The following CCDC150 variants were observed in gnomAD, a reference collection of about 807,000 sequenced individuals.
CCDC150 encodes coiled-coil domain-containing protein 150.
Under a neutral mutation model 156.5 loss-of-function variants are expected in CCDC150, and 151 were observed. The ratio of observed to expected loss-of-function variants is 0.97; its 90% CI spans 0.85 to 1.10. The LOEUF (loss-of-function observed/expected upper bound fraction) is 1.10, where lower values mean the gene tolerates loss of function less well. Ranked by LOEUF, CCDC150 falls within the 50% of genes least tolerant of loss-of-function variation. The probability of loss-of-function intolerance (pLI) is 0.00; values close to 1 mark genes in which losing one functional copy is unlikely to be tolerated. For missense variants in CCDC150, 1,312 were observed against 1,268.1 expected, an observed-to-expected ratio of 1.03 and a Z score of -0.53; for synonymous variants, 452 against 429.4, an observed-to-expected ratio of 1.05 and a Z score of -0.65.
At chr2:196,725,517 G>T (rs1698161647) in intron 21 of CCDC150, among the ~76,000 whole-genome samples, 1 of 152,154 alleles carries the variant, frequency 6.6e-6, no homozygotes, top group East Asian at 1.9e-4. Flanking sequence ...ATTATTACAA[G>T]TTAAAACTTA....
chr2:196,669,940 C>T, intron 8 of CCDC150, 64 bp downstream of exon 8: 1 of 1,230,920 alleles, frequency 8.1e-7, no homozygotes, highest in Non-Finnish European at 1.2e-6. Flanking sequence ...CCTATTTCCT[C>T]TTCCATGTTG....
Position 196,639,771 on chromosome 2 carries a change from A to T in CCDC150, c.5A>T (p.Asp2Val), listed in dbSNP as rs1692093522. The T allele has an allele frequency of 1.3e-6, 2 of 1,579,348 alleles. No individual in the cohort carries two copies. The highest frequency in any genetic ancestry group is 2.3e-5 in the East Asian group (1 of 43,214). M[D>V]CKVHMETTVS... ...TACGGAGCCTCAGGCGGACAGATGGACTGTAAGGTGAGGCTGCCGGGCCCC... is the reference window on the plus strand; with the variant it reads ...TACGGAGCCTCAGGCGGACAGATGGTCTGTAAGGTGAGGCTGCCGGGCCCC... Residue 2 changes from aspartate to valine, a missense_variant, in exon 1 of 28, where the codon GAC becomes GTC. Asp to Val is a radical substitution (Grantham distance 152). Transcript: ENST00000389175.
chr2:196,692,990 G>A (rs1695588160), intron 13 of CCDC150, among the ~76,000 whole-genome samples: 1 of 152,128 alleles, frequency 6.6e-6, no homozygotes, highest in Admixed American at 6.5e-5. Context: ...TTGTGAATCT[G>A]GGTGCTCCTG....
chr2:196,730,763 T>C, intron 25 of CCDC150, 96 bp from the exon 26 acceptor site: 1 of 889,620 alleles, frequency 1.1e-6, no homozygotes, highest in Non-Finnish European at 1.7e-6. Context: ...CTCCATCCTA[T>C]TTTCATATTT....
intron 11 of CCDC150, 113 bp downstream of exon 11, chr2:196,676,380 T>C (rs1559234273): frequency 2.1e-5 from 30 of 1,429,726 alleles, no homozygotes; most frequent in Non-Finnish European, 2.9e-5. Context: ...CTGCATTTTT[T>C]GGGCCAGCCA....
At chr2:196,667,699 G>A (rs1693929851) in intron 7 of CCDC150, 1 of 152,168 alleles carries the variant, frequency 6.6e-6, no homozygotes, top group African/African-American at 2.4e-5. Flanking sequence ...TTCACCTTCT[G>A]TGCTCTATGG....
At chr2:196,646,264 C>A in intron 1 of CCDC150, 77 bp from the exon 2 acceptor site, 3 of 1,369,404 alleles carry the variant, frequency 2.2e-6, no homozygotes, top group South Asian at 1.2e-5. Flanking sequence ...GATGCCTAAT[C>A]CTGGCACAGG....
intron 8 of CCDC150, among the ~76,000 whole-genome samples, chr2:196,671,427 C>CTTTTTTTTTTT (rs397987214): frequency 9.2e-6 from 1 of 108,612 alleles, no homozygotes; most frequent in Non-Finnish European, 1.8e-5. Context: ...TTTTCTCTCT[C>CTTTTTTTTTTT]TTTTTTTTTT....
intron 2 of CCDC150, among the ~76,000 whole-genome samples, chr2:196,655,733 T>G (rs1213425431): frequency 1.3e-5 from 2 of 152,078 alleles, no homozygotes; most frequent in Non-Finnish European, 2.9e-5. Flanking sequence ...ATGAGACTCT[T>G]GTATTCCTAA....
At chr2:196,708,054 AT>A in intron 15 of CCDC150, among the ~76,000 whole-genome samples, 1 of 152,082 alleles carries the variant, frequency 6.6e-6, no homozygotes. Flanking sequence ...CAAGTCCTGG[AT>A]ATCCTTGTTA....
intron 13 of CCDC150, among the ~76,000 whole-genome samples, chr2:196,683,877 A>G (rs1452649707): frequency 6.6e-6 from 1 of 151,858 alleles, no homozygotes; most frequent in Admixed American, 6.6e-5. Flanking sequence ...TAATTTTAAT[A>G]ATTTGTGTCT....
intron 1 of CCDC150, among the ~76,000 whole-genome samples, chr2:196,641,048 C>T (rs1692192783): frequency 6.6e-6 from 1 of 152,178 alleles, no homozygotes; most frequent in Admixed American, 6.5e-5. Flanking sequence ...CTGCAAGCTC[C>T]GCCTCCTGGG....
rs151013106 is a variant in CCDC150, at chr2:196,703,441, C to T, written c.1695+2261C>T. On this transcript the variant is annotated intron_variant, in intron 15 of 27. Transcript: ENST00000389175. Reference sequence around the variant, plus strand: ...TAAATATTATCTACATTTATGTGACCGTGGAAAGATCTTAATTTTCTTGAG... The same window carrying T: ...TAAATATTATCTACATTTATGTGACTGTGGAAAGATCTTAATTTTCTTGAG... Among the ~76,000 whole-genome samples the T allele has an allele frequency of 2.2e-3, 331 of 152,042 alleles. 3 individuals carry two copies. Among genetic ancestry groups the T allele is most frequent in the African/African-American group, 7.3e-3 (303 of 41,460 alleles).
chr2:196,693,339 G>C (rs1165339218), intron 13 of CCDC150, among the ~76,000 whole-genome samples: 1 of 152,098 alleles, frequency 6.6e-6, no homozygotes, highest in African/African-American at 2.4e-5. Context: ...ATTTCACTCA[G>C]TATTTCATAA....
At position 196,664,277 on chromosome 2, in the gene CCDC150, C is replaced by A. The variant is rs558216260; in HGVS notation, c.646-1290C>A. ...GACTCAGTCTCACAAGATTGCCCCC[C>A]ACTTTAGATGCCAATTGCAAGCCCC... is the stretch of plus-strand genomic sequence containing the variant. On this transcript the variant is annotated intron_variant, in intron 5 of 27. Coordinates refer to ENST00000389175, the MANE Select transcript of CCDC150 (RefSeq NM_001080539.2). 3.9e-5 allele frequency among the ~76,000 whole-genome samples: 6 copies of A among 152,300 alleles called. No homozygotes were observed. The South Asian group carries it at 6.2e-4, about 16-fold the overall frequency.
chr2:196,704,476 G>T (rs1463923281), intron 15 of CCDC150, among the ~76,000 whole-genome samples: 1 of 152,120 alleles, frequency 6.6e-6, no homozygotes, highest in Non-Finnish European at 1.5e-5. Context: ...TGGGTTTTAG[G>T]ATGTGCATAT....
chr2:196,639,749 G>T lies in CCDC150; in HGVS notation c.-18G>T. 1 of 1,566,546 alleles carries T rather than the reference G, an allele frequency of 6.4e-7. No individual in the cohort carries two copies. The highest frequency in any genetic ancestry group is 1.2e-5 in the South Asian group (1 of 84,272). Reference sequence around the variant, plus strand: ...GAAACCCGCTCGCCTGCTGCAGTACGGAGCCTCAGGCGGACAGATGGACTG... The same window carrying T: ...GAAACCCGCTCGCCTGCTGCAGTACTGAGCCTCAGGCGGACAGATGGACTG... On this transcript the variant is annotated 5_prime_UTR_variant, in exon 1 of 28. Coordinates refer to ENST00000389175, the MANE Select transcript of CCDC150 (RefSeq NM_001080539.2).
At chr2:196,730,807 G>T (rs1399118181) in intron 25 of CCDC150, 52 bp from the exon 26 acceptor site, 1 of 1,377,596 alleles carries the variant, frequency 7.3e-7, no homozygotes, top group African/African-American at 1.4e-5. Context: ...GAAGCATTTG[G>T]TTTCTTATGG....
rs1338884848 is a variant in CCDC150, at chr2:196,691,801, C to T, written c.1510-3245C>T. 2.8e-4 allele frequency among the ~76,000 whole-genome samples: 42 copies of T among 152,076 alleles called. 1 individual carries two copies. Among genetic ancestry groups the T allele is most frequent in the African/African-American group, 2.4e-5 (1 of 41,516 alleles). On this transcript the variant is annotated intron_variant, in intron 13 of 27. Transcript: ENST00000389175. ...ACTAAAAATACAAAAATTAGCCAGG[C>T]GTGGTGGCATGGGCCTGTAGTCCCA...
Sources: allele counts gnomAD v4.1 joint callset (sites outside exome capture counted in the v4.1 genomes callset), GRCh38; gene constraint gnomAD v4.1.1; transcripts MANE v1.5; gene names NCBI Gene and HGNC (gene_info 2026-07-23, HGNC 2026-07-21).